Variants in SLC4A10 observed in about 807,000 individuals in gnomAD.
SLC4A10 encodes the protein sodium-driven chloride bicarbonate exchanger.
In SLC4A10, 42 loss-of-function variants were observed where a neutral mutation model predicts 137.7. That is an observed-to-expected ratio of 0.30 (90% CI 0.24 to 0.39). The LOEUF is 0.39. Among genes scored for constraint, SLC4A10 ranks in the 10% least tolerant of loss-of-function variants. The pLI is 1.00. For synonymous variants in SLC4A10, 474 were observed against 464.1 expected (o/e 1.02, Z -0.27); for missense variants, 925 against 1,355.0 (o/e 0.68, Z 4.98).
chr2:161,854,555 T>C (rs1264661644), intron 4 of SLC4A10, among the ~76,000 whole-genome samples: 2 of 152,154 alleles, frequency 1.3e-5, no homozygotes, highest in East Asian at 1.9e-4. Flanking sequence ...ACCAAGAGAC[T>C]AAAATATTCA....
At chr2:161,878,660 G>A (rs2061575936) in intron 8 of SLC4A10, among the ~76,000 whole-genome samples, 1 of 151,972 alleles carries the variant, frequency 6.6e-6, no homozygotes, top group Non-Finnish European at 1.5e-5. Context: ...AAGAGAAGAA[G>A]GTTAAAGTCA....
chr2:161,724,631 T>C (rs2046035225), intron 1 of SLC4A10, among the ~76,000 whole-genome samples: 1 of 152,212 alleles, frequency 6.6e-6, no homozygotes, highest in Non-Finnish European at 1.5e-5. Flanking sequence ...AACAGTCATC[T>C]TTAGTTAAAT....
chr2:161,807,504 C>G (rs1280203805), intron 3 of SLC4A10, among the ~76,000 whole-genome samples: 1 of 152,160 alleles, frequency 6.6e-6, no homozygotes, highest in Non-Finnish European at 1.5e-5. Flanking sequence ...ATCTTTCTGT[C>G]TGACCACAGC....
chr2:161,828,424 G>T (rs2058172186), intron 3 of SLC4A10, among the ~76,000 whole-genome samples: 1 of 150,608 alleles, frequency 6.6e-6, no homozygotes, highest in Non-Finnish European at 1.5e-5. Context: ...CTTCCAGTTT[G>T]GTCCACACTA....
At position 161,948,726 on chromosome 2, in the gene SLC4A10, A is replaced by T. The variant is rs140809653; in HGVS notation, c.2266-422A>T. On this transcript the variant is annotated intron_variant, in intron 17 of 26. Coordinates refer to ENST00000446997, the MANE Select transcript of SLC4A10 (RefSeq NM_001178015.2). ...CATTATGTTTCTTTGATAAGAACAGATAATTTTATTTTATGATGCTTCAAG... is the reference window on the plus strand; with the variant it reads ...CATTATGTTTCTTTGATAAGAACAGTTAATTTTATTTTATGATGCTTCAAG... Among the ~76,000 whole-genome samples the T allele has an allele frequency of 8.3e-4, 126 of 152,238 alleles. 1 individual carries two copies. Among genetic ancestry groups the T allele is most frequent in the African/African-American group, 3.0e-3 (124 of 41,558 alleles).
intron 1 of SLC4A10, among the ~76,000 whole-genome samples, chr2:161,757,608 G>A (rs780485770): frequency 5.9e-5 from 9 of 152,100 alleles, no homozygotes; most frequent in Admixed American, 2.0e-4. Flanking sequence ...TTAAAATCAC[G>A]TGGCTAAATA....
intron 15 of SLC4A10, among the ~76,000 whole-genome samples, chr2:161,922,653 G>A (rs1398232499): frequency 1.3e-5 from 2 of 152,068 alleles, no homozygotes; most frequent in African/African-American, 2.4e-5. Context: ...ACTGAAAGAA[G>A]TATACCAAAA....
At chr2:161,713,109 G>A (rs1332024748) in intron 1 of SLC4A10, among the ~76,000 whole-genome samples, 1 of 151,776 alleles carries the variant, frequency 6.6e-6, no homozygotes, top group Admixed American at 6.6e-5. Context: ...TAAAGGTAGG[G>A]AGGCAGAAAG....
At chr2:161,941,111 C>T (rs6432706) in intron 15 of SLC4A10, among the ~76,000 whole-genome samples, 48,716 of 151,878 alleles carry the variant, frequency 0.32, 8,089 homozygotes, top group East Asian at 0.59. Flanking sequence ...GAAAATAACT[C>T]GAAAAATACA....
chr2:161,735,653 CA>C (rs1451407494), intron 1 of SLC4A10, among the ~76,000 whole-genome samples: 1 of 151,172 alleles, frequency 6.6e-6, no homozygotes, highest in Non-Finnish European at 1.5e-5. Flanking sequence ...GGACAGAAGA[CA>C]GCTATGAAGA....
chr2:161,712,916 G>T (rs1249815098), intron 1 of SLC4A10, among the ~76,000 whole-genome samples: 1 of 151,818 alleles, frequency 6.6e-6, no homozygotes, highest in Non-Finnish European at 1.5e-5. Flanking sequence ...AGAAAGAATT[G>T]TACTGGGCAA....
At chr2:161,739,001 G>A (rs1164959862) in intron 1 of SLC4A10, among the ~76,000 whole-genome samples, 1 of 152,078 alleles carries the variant, frequency 6.6e-6, no homozygotes, top group African/African-American at 2.4e-5. Flanking sequence ...AGGCCCTCAG[G>A]AATTCTAGCA....
At chr2:161,846,316 A>G (rs1188722935) in intron 4 of SLC4A10, among the ~76,000 whole-genome samples, 1 of 152,214 alleles carries the variant, frequency 6.6e-6, no homozygotes, top group Non-Finnish European at 1.5e-5. Flanking sequence ...AAAAATAGTC[A>G]TAATAACAAA....
intron 1 of SLC4A10, among the ~76,000 whole-genome samples, chr2:161,674,341 T>A (rs2040055036): frequency 6.6e-6 from 1 of 152,200 alleles, no homozygotes; most frequent in Admixed American, 6.5e-5. Context: ...GCATTTAATA[T>A]TTAATTTTAA....
At position 161,753,131 on chromosome 2, in the gene SLC4A10, A is replaced by G. The variant is rs563616446; in HGVS notation, c.49-17842A>G. ...ATTTATTTACAAAGCATTAAATTAT[A>G]AAACAATTCATAATCTTTGCTCATA... On this transcript the variant is annotated intron_variant, in intron 1 of 26. Coordinates refer to ENST00000446997, the MANE Select transcript of SLC4A10 (RefSeq NM_001178015.2). Among the ~76,000 whole-genome samples, 21 of 152,290 alleles carry G rather than the reference A, an allele frequency of 1.4e-4. No individual in the cohort carries two copies. In the South Asian group the frequency reaches 4.1e-3, roughly 30 times the overall value.
chr2:161,648,547 T>C (rs1225033686), intron 1 of SLC4A10, among the ~76,000 whole-genome samples: 1 of 152,116 alleles, frequency 6.6e-6, no homozygotes, highest in Non-Finnish European at 1.5e-5. Flanking sequence ...TTTGAAACAA[T>C]TCATATAATT....
At chr2:161,737,604 A>G (rs1414724069) in intron 1 of SLC4A10, among the ~76,000 whole-genome samples, 7 of 152,146 alleles carry the variant, frequency 4.6e-5, no homozygotes, top group Admixed American at 3.3e-4. Context: ...TCATGGGCCT[A>G]ATTCAGGAGC....
chr2:161,723,997 A>T (rs893233258), intron 1 of SLC4A10, among the ~76,000 whole-genome samples: 1 of 152,176 alleles, frequency 6.6e-6, no homozygotes, highest in Non-Finnish European at 1.5e-5. Flanking sequence ...TCTCTTCAAA[A>T]TGTTTTTGTC....
intron 1 of SLC4A10, among the ~76,000 whole-genome samples, chr2:161,678,769 C>T (rs1414395148): frequency 6.6e-6 from 1 of 152,070 alleles, no homozygotes; most frequent in African/African-American, 2.4e-5. Context: ...GTCTGTGATA[C>T]TCATCCATGT....
Sources: allele counts gnomAD v4.1 joint callset (sites outside exome capture counted in the v4.1 genomes callset), GRCh38; gene constraint gnomAD v4.1.1; transcripts MANE v1.5; gene names NCBI Gene and HGNC (gene_info 2026-07-23, HGNC 2026-07-21).